Variants in VPS72 observed in about 807,000 individuals in gnomAD.
VPS72 encodes the protein vacuolar protein sorting 72 homolog.
Under a neutral mutation model 38.9 loss-of-function variants are expected in VPS72, and 27 were observed. The observed-to-expected ratio is 0.69, with a 90% CI of 0.51 to 0.96. VPS72 has a LOEUF of 0.96. Ranked by LOEUF, VPS72 falls within the 40% of genes least tolerant of loss-of-function variation. The pLI, the probability that VPS72 is intolerant of heterozygous loss-of-function variation, is 0.00. For synonymous variants in VPS72, 173 were observed against 186.3 expected, an observed-to-expected ratio of 0.93 and a Z score of 0.58; for missense variants, 360 against 479.5, an observed-to-expected ratio of 0.75 and a Z score of 2.33.
intron 5 of VPS72, among the ~76,000 whole-genome samples, chr1:151,177,375 G>A (rs1366785112): frequency 3.4e-4 from 45 of 130,676 alleles, no homozygotes; most frequent in African/African-American, 1.2e-3. Flanking sequence ...ACAGAGCAGC[G>A]AGACTCCATC....
At chr1:151,184,213 C>T in intron 4 of VPS72, 104 bp downstream of exon 4, 1 of 1,450,238 alleles carries the variant, frequency 6.9e-7, no homozygotes, top group Non-Finnish European at 9.3e-7. Context: ...CTGATTCCAT[C>T]ATCCCAAATT....
chr1:151,183,314 C>T (rs2101726332), intron 4 of VPS72, among the ~76,000 whole-genome samples: 1 of 145,708 alleles, frequency 6.9e-6, no homozygotes, highest in Non-Finnish European at 1.5e-5. Context: ...ATCCCAGCTA[C>T]TTGGGAGGCT....
At chr1:151,188,021 A>C (rs769704829) in intron 1 of VPS72, among the ~76,000 whole-genome samples, 1 of 151,810 alleles carries the variant, frequency 6.6e-6, no homozygotes. Flanking sequence ...GGGCTGTGTC[A>C]GTAATGACTC....
rs1684432691 is a variant in VPS72, at chr1:151,190,086, G to A, written c.36C>T (p.Thr12=). 5 of 1,613,990 alleles carry A rather than the reference G, an allele frequency of 3.1e-6. No individual in the cohort carries two copies. The South Asian group carries it at 4.4e-5, about 14-fold the overall frequency. Residue 12 remains threonine (T), a synonymous_variant, in exon 1 of 6, where the codon ACC becomes ACT. Transcript: ENST00000368892. ...AAAGCCCAGAAAGCCGGTTCCCAGC[G>A]GTCTTCCGGGGTGCCCGGCCCCCAG... ...SLAGGRAPRK[T]AGNRLSGLLE...
In VPS72 at chr1:151,178,018, C is replaced by T. The variant is rs1402319464; in HGVS notation, c.690G>A (p.Glu230=). 1.9e-6 allele frequency: 3 copies of T among 1,613,974 alleles called. No individual in the cohort carries two copies. The highest frequency in any genetic ancestry group is 1.7e-6 in the Non-Finnish European group (2 of 1,179,998). Residue 230 remains glutamate, a synonymous_variant, in exon 5 of 6, where the codon GAG becomes GAA. Transcript: ENST00000368892. ...TCACTCACCCTTCTATGTCAACGTT[C>T]TCTTCCTTGGGGCCTGGCTCCCCAA... ...PLVGEPGPKE[E]NVDIEGLDPA...
Position 151,176,534 on chromosome 1 carries a change from C to G in VPS72, c.*110G>C, listed in dbSNP as rs1387796898. The G allele has an allele frequency of 5.4e-6, 8 of 1,476,766 alleles. No individual in the cohort carries two copies. Among genetic ancestry groups the G allele is most frequent in the Non-Finnish European group, 7.2e-6 (8 of 1,107,006 alleles). 91.5% of individuals were successfully genotyped at this position (1,476,766 alleles called of 1,614,324 possible). ...GAACTAGGGGAAAAGGAAAAAGAAA[C>G]AGATTAGGCAAAGATCAGAGATGAC... On this transcript the variant is annotated 3_prime_UTR_variant, in exon 6 of 6. Transcript: ENST00000368892.
chr1:151,184,585 T>C, intron 3 of VPS72, 92 bp from the exon 4 acceptor site: 1 of 1,351,236 alleles, frequency 7.4e-7, no homozygotes, highest in Non-Finnish European at 9.8e-7. Flanking sequence ...AAATAATTTT[T>C]TTTTCTTTTT....
Position 151,176,779 on chromosome 1 carries a change from A to G in VPS72, c.960T>C (p.Arg320=), listed in dbSNP as rs1558211496. 1 of 1,614,094 alleles carries G rather than the reference A, an allele frequency of 6.2e-7. No individual in the cohort carries two copies. Among genetic ancestry groups the G allele is most frequent in the Non-Finnish European group, 8.5e-7 (1 of 1,180,046 alleles). ...CAGTAATGTACTTCTTGTAAGCCTC[A>G]CGAATGATCTTGAAGGCTCGAGCAG... ...YATARAFKII[R]EAYKKYITAH... is the part of the protein sequence containing the mutation. Residue 320 remains arginine, a synonymous_variant, in exon 6 of 6, where the codon CGT becomes CGC. Transcript: ENST00000368892.
chr1:151,176,571 G>A lies in VPS72; in HGVS notation c.*73C>T. The A allele has an allele frequency of 1.3e-6, 2 of 1,550,586 alleles. No individual in the cohort carries two copies. The highest frequency in any genetic ancestry group is 1.4e-5 in the African/African-American group (1 of 72,930). On this transcript the variant is annotated 3_prime_UTR_variant, in exon 6 of 6. Transcript: ENST00000368892. ...AGATCAGAGATGACAAAGGGGAGAAGCAGGGAGAAGAAACGGAACAGCAAG... is the reference window on the plus strand; with the variant it reads ...AGATCAGAGATGACAAAGGGGAGAAACAGGGAGAAGAAACGGAACAGCAAG...
At chr1:151,184,816 A>T (rs1684313016) in intron 3 of VPS72, among the ~76,000 whole-genome samples, 1 of 151,966 alleles carries the variant, frequency 6.6e-6, no homozygotes, top group Non-Finnish European at 1.5e-5. Flanking sequence ...TGAACTACTG[A>T]CCTCGTGATC....
Position 151,190,196 on chromosome 1 carries a change from C to A in VPS72, c.-75G>T. 1.3e-6 allele frequency: 2 copies of A among 1,533,478 alleles called. No individual in the cohort carries two copies. The highest frequency in any genetic ancestry group is 1.8e-6 in the Non-Finnish European group (2 of 1,118,410). The allele number at this position is 1,533,478 out of a possible 1,614,324, so 95.0% of individuals were successfully genotyped here. A position where few individuals can be genotyped will look rare whatever the true frequency, so the allele number is the denominator to read the frequency against. On this transcript the variant is annotated 5_prime_UTR_variant, in exon 1 of 6. Coordinates refer to ENST00000368892, the MANE Select transcript of VPS72 (RefSeq NM_005997.3). Reference sequence around the variant, plus strand: ...TTTGGGAGCTCGACGCTCGACATCACTACCTGCGGGTGGCCACCAGCGGCG... The same window carrying A: ...TTTGGGAGCTCGACGCTCGACATCAATACCTGCGGGTGGCCACCAGCGGCG...
chr1:151,181,849 C>A (rs1684247631), intron 4 of VPS72, among the ~76,000 whole-genome samples: 1 of 152,186 alleles, frequency 6.6e-6, no homozygotes. Flanking sequence ...AGAACCTCCG[C>A]CATGCCCTCC....
chr1:151,190,068 A>G lies in VPS72; in HGVS notation c.54T>C (p.Ser18=). The G allele has an allele frequency of 1.2e-6, 2 of 1,614,080 alleles. No homozygotes were observed. Among genetic ancestry groups the G allele is most frequent in the South Asian group, 1.1e-5 (1 of 91,078 alleles). Residue 18 remains serine, a synonymous_variant, in exon 1 of 6, where the codon TCT becomes TCC. Transcript: ENST00000368892. ...APRKTAGNRL[S]GLLEAEEEDE... ...CTTCCTCCTCTGCCTCCAAAAGCCCAGAAAGCCGGTTCCCAGCGGTCTTCC... is the reference window on the plus strand; with the variant it reads ...CTTCCTCCTCTGCCTCCAAAAGCCCGGAAAGCCGGTTCCCAGCGGTCTTCC...
In VPS72 at chr1:151,185,487, C is replaced by T. The variant is rs1684329133; in HGVS notation, c.385+19G>A. On this transcript the variant is annotated intron_variant, in intron 3 of 5. Coordinates refer to ENST00000368892, the MANE Select transcript of VPS72 (RefSeq NM_005997.3). ...ATTATATTCCAATTTTGCCAATTGA[C>T]CCTAACATCCCTACTCACTGTCAGA... 6 of 1,611,070 alleles carry T rather than the reference C, an allele frequency of 3.7e-6. No homozygotes were observed. The highest frequency in any genetic ancestry group is 4.2e-6 in the Non-Finnish European group (5 of 1,177,446).
chr1:151,176,640 C>T lies in VPS72; in HGVS notation c.*4G>A, dbSNP rs1684104917. 1 of 1,612,744 alleles carries T rather than the reference C, an allele frequency of 6.2e-7. No individual in the cohort carries two copies. The highest frequency in any genetic ancestry group is 8.5e-7 in the Non-Finnish European group (1 of 1,179,634). On this transcript the variant is annotated 3_prime_UTR_variant, in exon 6 of 6. Coordinates refer to ENST00000368892, the MANE Select transcript of VPS72 (RefSeq NM_005997.3). ...AAAGAAGTTTCTGAGGACTAGACAT[C>T]TCTTCATTTAATGACAATTTTCTGG...
chr1:151,177,387 C>CAA (rs11350080), intron 5 of VPS72, among the ~76,000 whole-genome samples: 3 of 102,888 alleles, frequency 2.9e-5, no homozygotes, highest in African/African-American at 7.5e-5. Context: ...GACTCCATCT[C>CAA]AAAAAAAAAA....
chr1:151,185,777 C>G (rs756176679), intron 2 of VPS72, 21 bp downstream of exon 2: 9 of 1,613,254 alleles, frequency 5.6e-6, no homozygotes, highest in Non-Finnish European at 7.6e-6. Flanking sequence ...AAATCCAAGA[C>G]AACTAGGACT....
chr1:151,190,009 G>A lies in VPS72; in HGVS notation c.113C>T (p.Thr38Ile), dbSNP rs758021504. 12 of 1,613,944 alleles carry A rather than the reference G, an allele frequency of 7.4e-6. No individual in the cohort carries two copies. The South Asian group carries it at 1.3e-4, about 18-fold the overall frequency. The change falls in exon 1 of 6, where the codon ACA becomes ATA. Residue 38 changes from threonine (T) to isoleucine (I), a missense_variant. Thr to Ile is a moderately conservative substitution (Grantham distance 89). Around this residue, in one of 2 missense-constraint regions of VPS72, gnomAD observed 66 missense variants for 123.1 expected, o/e 0.54. Coordinates refer to ENST00000368892, the MANE Select transcript of VPS72 (RefSeq NM_005997.3). ...TTTCCCAGGCCCGGATCTTGCCTCTGTGAAACCCCCATAAGTCGTCTGGTA... is the reference window on the plus strand; with the variant it reads ...TTTCCCAGGCCCGGATCTTGCCTCTATGAAACCCCCATAAGTCGTCTGGTA... Reference protein sequence around the residue: ...EFYQTTYGGFTEESGDDEYQG... With the variant: ...EFYQTTYGGFIEESGDDEYQG...
chr1:151,188,282 C>T (rs985163585), intron 1 of VPS72, among the ~76,000 whole-genome samples: 2 of 152,062 alleles, frequency 1.3e-5, no homozygotes, highest in African/African-American at 4.8e-5. Flanking sequence ...GTGATCCACC[C>T]GCCTCAGCCT....
Sources: allele counts gnomAD v4.1 joint callset (sites outside exome capture counted in the v4.1 genomes callset), GRCh38; gene constraint gnomAD v4.1.1; regional missense constraint gnomAD v4.1.1; transcripts MANE v1.5; gene names NCBI Gene and HGNC (gene_info 2026-07-23, HGNC 2026-07-21).